The following CTXND1 variants were observed in gnomAD, a reference collection of about 807,000 sequenced individuals.
The protein encoded by CTXND1 is cortexin domain-containing 1 protein.
chr15:80,251,555 T>C (rs76138390), intron 1 of CTXND1, among the ~76,000 whole-genome samples: 13,437 of 152,186 alleles, frequency 0.088, 780 homozygotes, highest in East Asian at 0.18. Context: ...TTTCTAACTT[T>C]GATTCAGTTT....
rs2041419165 is a variant in CTXND1 at position 80,196,152 on chromosome 15, A to C, written c.*5618T>G. On this transcript the variant is annotated 3_prime_UTR_variant, in exon 3 of 3. Coordinates refer to ENST00000560778, the MANE Select transcript of CTXND1 (RefSeq NM_001352888.2). ...AAGCCTGAGGTGGGGGCATGAAATT[A>C]GATTTCTAACAAGCTCCCCAGAGAT... 1 of 152,192 alleles carries C rather than the reference A, an allele frequency of 6.6e-6. No individual in the cohort carries two copies. Among genetic ancestry groups the C allele is most frequent in the Non-Finnish European group, 1.5e-5 (1 of 68,034 alleles). The allele number at this position is 152,192 out of a possible 1,614,324, so 9.4% of individuals were successfully genotyped here.
intron 1 of CTXND1, among the ~76,000 whole-genome samples, chr15:80,211,910 T>C (rs1025846264): frequency 2.6e-4 from 40 of 152,294 alleles, no homozygotes; most frequent in African/African-American, 9.4e-4. Flanking sequence ...CTCTGAATGT[T>C]TTTTATTCTT....
At chr15:80,246,987 A>G (rs1893638622) in intron 1 of CTXND1, among the ~76,000 whole-genome samples, 1 of 152,160 alleles carries the variant, frequency 6.6e-6, no homozygotes, top group Non-Finnish European at 1.5e-5. Flanking sequence ...TTAATTTCAT[A>G]TAGTCTCCTC....
chr15:80,204,362 G>A (rs1360789623), intron 1 of CTXND1, among the ~76,000 whole-genome samples: 3 of 150,860 alleles, frequency 2.0e-5, no homozygotes, highest in African/African-American at 7.3e-5. Flanking sequence ...ACACTGTGGT[G>A]CAGCCATTGC....
In CTXND1 at chr15:80,226,768, C is replaced by T. The variant is rs552548101; in HGVS notation, c.-217-23028G>A. On this transcript the variant is annotated intron_variant, in intron 1 of 2. Coordinates refer to ENST00000560778, the MANE Select transcript of CTXND1 (RefSeq NM_001352888.2). Reference sequence around the variant, plus strand: ...TTCAGCCATTGATTGTCAATCTGGCCCCATCTGCTTTATATCTTCCTGAAA... The same window carrying T: ...TTCAGCCATTGATTGTCAATCTGGCTCCATCTGCTTTATATCTTCCTGAAA... 1.5e-3 allele frequency among the ~76,000 whole-genome samples: 236 copies of T among 152,300 alleles called. 1 individual carries two copies. Among genetic ancestry groups the T allele is most frequent in the Non-Finnish European group, 2.1e-3 (145 of 68,026 alleles).
chr15:80,237,509 C>CAGAT (rs1308795346), intron 1 of CTXND1, among the ~76,000 whole-genome samples: 1 of 151,966 alleles, frequency 6.6e-6, no homozygotes, highest in African/African-American at 2.4e-5. Context: ...AAGTGAAAGA[C>CAGAT]AGATATATTG....
chr15:80,198,957 T>G lies in CTXND1; in HGVS notation c.*2813A>C, dbSNP rs2041434577. ...TAGGAGAAAGAGTATGATATAAAAT[T>G]ATGTAGCAGATCATCTTTATGAAAA... On this transcript the variant is annotated 3_prime_UTR_variant, in exon 3 of 3. Coordinates refer to ENST00000560778, the MANE Select transcript of CTXND1 (RefSeq NM_001352888.2). 1 of 152,158 alleles carries G rather than the reference T, an allele frequency of 6.6e-6. No individual in the cohort carries two copies. The highest frequency in any genetic ancestry group is 2.4e-5 in the African/African-American group (1 of 41,416). 9.4% of individuals were successfully genotyped at this position (152,158 alleles called of 1,614,324 possible).
intron 1 of CTXND1, among the ~76,000 whole-genome samples, chr15:80,215,806 C>T (rs1595905243): frequency 6.6e-6 from 1 of 152,282 alleles, no homozygotes; most frequent in East Asian, 1.9e-4. Context: ...AAGATGATTT[C>T]ATTCCAGGGG....
chr15:80,232,940 C>CTTTTTTTTTTTTTTTTTTTTTTT (rs1567133478), intron 1 of CTXND1, among the ~76,000 whole-genome samples: 1 of 128,770 alleles, frequency 7.8e-6, no homozygotes, highest in African/African-American at 2.9e-5. Context: ...AATGCAACTT[C>CTTTTTTTTTTTTTTTTTTTTTTT]CTTTTTTTTT....
At chr15:80,217,413 G>T (rs913458024) in intron 1 of CTXND1, among the ~76,000 whole-genome samples, 1 of 151,992 alleles carries the variant, frequency 6.6e-6, no homozygotes, top group Non-Finnish European at 1.5e-5. Flanking sequence ...TAAGTAAAAT[G>T]GAATCTATTT....
chr15:80,204,351 C>T (rs1893124699), intron 1 of CTXND1, among the ~76,000 whole-genome samples: 1 of 150,788 alleles, frequency 6.6e-6, no homozygotes, highest in Admixed American at 6.6e-5. Context: ...TAAGTACATC[C>T]ACACTGTGGT....
chr15:80,225,899 G>A (rs1483319899), intron 1 of CTXND1, among the ~76,000 whole-genome samples: 4 of 152,102 alleles, frequency 2.6e-5, no homozygotes, highest in Non-Finnish European at 5.9e-5. Context: ...TGGAGGTATA[G>A]ATTCATTTAT....
intron 1 of CTXND1, among the ~76,000 whole-genome samples, chr15:80,238,142 T>TA (rs1893523697): frequency 6.6e-6 from 1 of 152,040 alleles, no homozygotes; most frequent in African/African-American, 2.4e-5. Context: ...ACAGTATTTA[T>TA]AAAGCCTATA....
chr15:80,211,088 AC>A (rs1567129121), intron 1 of CTXND1, among the ~76,000 whole-genome samples: 1 of 152,170 alleles, frequency 6.6e-6, no homozygotes, highest in Non-Finnish European at 1.5e-5. Flanking sequence ...ATCCTCGAGG[AC>A]AGAGTCTGAG....
intron 1 of CTXND1, among the ~76,000 whole-genome samples, chr15:80,243,220 G>C (rs1259368092): frequency 6.6e-6 from 1 of 152,208 alleles, no homozygotes; most frequent in African/African-American, 2.4e-5. Context: ...GTTGAGGGCT[G>C]TGTTAAGCCA....
chr15:80,243,241 G>C (rs1893590505), intron 1 of CTXND1, among the ~76,000 whole-genome samples: 1 of 152,170 alleles, frequency 6.6e-6, no homozygotes, highest in African/African-American at 2.4e-5. Context: ...TCCCAGGCTG[G>C]TGAACACAAA....
intron 2 of CTXND1, among the ~76,000 whole-genome samples, chr15:80,202,817 T>A (rs1408588998): frequency 6.6e-6 from 1 of 152,146 alleles, no homozygotes. Context: ...AAACTGTAAG[T>A]GTTATGGGAA....
At chr15:80,216,488 A>G (rs1466127823) in intron 1 of CTXND1, among the ~76,000 whole-genome samples, 1 of 152,226 alleles carries the variant, frequency 6.6e-6, no homozygotes, top group Non-Finnish European at 1.5e-5. Context: ...GGGGACCAAC[A>G]AACTGTCATT....
At chr15:80,239,001 C>T (rs1893535374) in intron 1 of CTXND1, among the ~76,000 whole-genome samples, 1 of 152,216 alleles carries the variant, frequency 6.6e-6, no homozygotes, top group Admixed American at 6.5e-5. Flanking sequence ...CGTTGTTAAG[C>T]ACCACATGAC....
Sources: allele counts gnomAD v4.1 joint callset (sites outside exome capture counted in the v4.1 genomes callset), GRCh38; gene constraint gnomAD v4.1.1; transcripts MANE v1.5; gene names NCBI Gene and HGNC (gene_info 2026-07-23, HGNC 2026-07-21).